Variants in SFMBT1 observed in about 807,000 individuals in gnomAD.
SFMBT1 encodes scm-like with four MBT domains protein 1.
A neutral mutation model predicts 108.7 loss-of-function variants in SFMBT1; 32 were observed. The ratio of observed to expected loss-of-function variants is 0.29; its 90% CI spans 0.22 to 0.40. The LOEUF (loss-of-function observed/expected upper bound fraction) is 0.40. Among genes scored for constraint, SFMBT1 ranks in the 10% least tolerant of loss-of-function variants. The pLI, the probability that SFMBT1 is intolerant of heterozygous loss-of-function variation, is 1.00. For missense variants in SFMBT1, 816 were observed against 1,059.6 expected (o/e 0.77, Z 3.19); for synonymous variants, 348 against 369.5 (o/e 0.94, Z 0.67).
At chr3:53,006,984 C>T (rs1698767931) in intron 1 of SFMBT1, among the ~76,000 whole-genome samples, 1 of 152,200 alleles carries the variant, frequency 6.6e-6, no homozygotes, top group African/African-American at 2.4e-5. Flanking sequence ...TGAGGGTATG[C>T]AGGGACCACA....
chr3:52,954,882 C>G (rs1013299300), intron 2 of SFMBT1, among the ~76,000 whole-genome samples: 1 of 151,284 alleles, frequency 6.6e-6, no homozygotes, highest in African/African-American at 2.4e-5. Context: ...TGTCATTATC[C>G]TTGCCCCCCT....
At chr3:52,950,901 G>A (rs1703557778) in intron 3 of SFMBT1, among the ~76,000 whole-genome samples, 1 of 151,818 alleles carries the variant, frequency 6.6e-6, no homozygotes, top group Non-Finnish European at 1.5e-5. Flanking sequence ...TTCCCTTGAG[G>A]CAAGGAGTTC....
intron 9 of SFMBT1, among the ~76,000 whole-genome samples, chr3:52,927,400 A>G (rs1389164165): frequency 6.6e-6 from 1 of 152,224 alleles, no homozygotes; most frequent in African/African-American, 2.4e-5. Context: ...ACCCTTGTTA[A>G]CAAGAAAGAG....
At chr3:53,014,761 C>A (rs1699070469) in intron 1 of SFMBT1, among the ~76,000 whole-genome samples, 1 of 152,118 alleles carries the variant, frequency 6.6e-6, no homozygotes, top group Non-Finnish European at 1.5e-5. Context: ...AAAGGACAGG[C>A]CCTCAGTGTG....
intron 1 of SFMBT1, among the ~76,000 whole-genome samples, chr3:52,972,841 AACACACACACACAC>A (rs55688451): frequency 1.7e-5 from 2 of 118,852 alleles, no homozygotes; most frequent in South Asian, 3.0e-4. Context: ...ATCTCTACTA[AACACACACACACAC>A]ACACACACAC....
At chr3:52,969,026 A>G in intron 2 of SFMBT1, 75 bp downstream of exon 2, 1 of 1,564,670 alleles carries the variant, frequency 6.4e-7, no homozygotes, top group African/African-American at 1.4e-5. Flanking sequence ...AGTGGTAGAG[A>G]AACAGACAAT....
At chr3:52,958,573 A>G (rs1703860357) in intron 2 of SFMBT1, among the ~76,000 whole-genome samples, 1 of 152,168 alleles carries the variant, frequency 6.6e-6, no homozygotes, top group South Asian at 2.1e-4. Flanking sequence ...CCTGGGTGAC[A>G]GAGTGAGACT....
At chr3:52,912,834 A>G (rs947436086) in intron 15 of SFMBT1, among the ~76,000 whole-genome samples, 187 bp from the exon 16 acceptor site, 3 of 152,252 alleles carry the variant, frequency 2.0e-5, no homozygotes, top group African/African-American at 7.2e-5. Context: ...CAGATAAGAG[A>G]GTAACCAGAT....
intron 1 of SFMBT1, among the ~76,000 whole-genome samples, chr3:53,030,958 A>C (rs1699663821): frequency 6.6e-6 from 1 of 152,174 alleles, no homozygotes; most frequent in Non-Finnish European, 1.5e-5. Flanking sequence ...TAAAAAACTA[A>C]AGGGTTTTCC....
At chr3:53,031,467 G>A (rs1162214788) in intron 1 of SFMBT1, among the ~76,000 whole-genome samples, 2 of 152,118 alleles carry the variant, frequency 1.3e-5, no homozygotes, top group Non-Finnish European at 2.9e-5. Flanking sequence ...CAAAAATGAA[G>A]ATGAGGAAAG....
At chr3:52,946,872 A>G (rs896112367) in intron 3 of SFMBT1, among the ~76,000 whole-genome samples, 1 of 151,266 alleles carries the variant, frequency 6.6e-6, no homozygotes, top group South Asian at 2.1e-4. Context: ...TTCAGGTTCA[A>G]GTGATTCTCA....
chr3:52,930,484 C>T, intron 7 of SFMBT1, 54 bp from the exon 8 acceptor site: 1 of 974,430 alleles, frequency 1.0e-6, no homozygotes, highest in Non-Finnish European at 1.7e-6. Flanking sequence ...ATCAATCTTA[C>T]ACTCACATGT....
intron 1 of SFMBT1, among the ~76,000 whole-genome samples, chr3:52,981,823 A>G (rs11710394): frequency 0.09 from 13,753 of 152,170 alleles, 639 homozygotes; most frequent in African/African-American, 0.099. Context: ...AAGTGCAGTT[A>G]GGTTTATAAT....
chr3:53,002,931 G>A (rs1698608992), intron 1 of SFMBT1, among the ~76,000 whole-genome samples: 1 of 149,654 alleles, frequency 6.7e-6, no homozygotes, highest in Non-Finnish European at 1.5e-5. Flanking sequence ...TTGAAGTCAG[G>A]AATTTGAGGG....
At chr3:53,002,525 G>A (rs966518079) in intron 1 of SFMBT1, among the ~76,000 whole-genome samples, 1 of 150,072 alleles carries the variant, frequency 6.7e-6, no homozygotes, top group African/African-American at 2.4e-5. Context: ...TAGTTAGGAG[G>A]TATTCTCCTC....
At chr3:53,006,357 G>A (rs908907149) in intron 1 of SFMBT1, among the ~76,000 whole-genome samples, 2 of 152,122 alleles carry the variant, frequency 1.3e-5, no homozygotes, top group Non-Finnish European at 2.9e-5. Flanking sequence ...CAGGCCTGGC[G>A]CGGTGGCTCA....
chr3:52,907,863 T>C, intron 17 of SFMBT1, 130 bp from the exon 18 acceptor site: 1 of 825,630 alleles, frequency 1.2e-6, no homozygotes. Context: ...TTCCATAGAG[T>C]GGAATAAACA....
intron 1 of SFMBT1, chr3:53,018,320 T>C (rs1699193476): frequency 1.3e-5 from 2 of 152,198 alleles, no homozygotes; most frequent in African/African-American, 4.8e-5. Context: ...CAGTACAATA[T>C]GAAGGCCAAG....
At chr3:52,973,868 C>T (rs1223871161) in intron 1 of SFMBT1, among the ~76,000 whole-genome samples, 5 of 152,084 alleles carry the variant, frequency 3.3e-5, no homozygotes, top group African/African-American at 1.2e-4. Context: ...ATCCGCCTGC[C>T]TCAGCCCTCC....
Sources: allele counts gnomAD v4.1 joint callset (sites outside exome capture counted in the v4.1 genomes callset), GRCh38; gene constraint gnomAD v4.1.1; transcripts MANE v1.5; gene names NCBI Gene and HGNC (gene_info 2026-07-23, HGNC 2026-07-21).